The following MTMR3 variants were observed in gnomAD, a reference collection of about 807,000 sequenced individuals.
MTMR3 encodes phosphatidylinositol-3,5-bisphosphate 3-phosphatase MTMR3.
In MTMR3, 32 loss-of-function variants were observed where a neutral mutation model predicts 132.4. That is an observed-to-expected ratio of 0.24 (90% confidence interval 0.18 to 0.32). The LOEUF is 0.32. Ranked by LOEUF, MTMR3 falls within the 10% of genes least tolerant of loss-of-function variation. The pLI is 1.00. For missense variants in MTMR3, 1,216 were observed against 1,489.6 expected (o/e 0.82, Z 3.02); for synonymous variants, 556 against 550.3 (o/e 1.01, Z -0.14).
chr22:29,930,097 T>G (rs1283854057), intron 1 of MTMR3, among the ~76,000 whole-genome samples: 1 of 152,204 alleles, frequency 6.6e-6, no homozygotes, highest in African/African-American at 2.4e-5. Context: ...TTTTAAAGCC[T>G]TAGGAGTGTG....
At chr22:29,920,765 T>C (rs1334358145) in intron 1 of MTMR3, among the ~76,000 whole-genome samples, 4 of 152,194 alleles carry the variant, frequency 2.6e-5, no homozygotes, top group African/African-American at 7.2e-5. Context: ...AGATTGATAC[T>C]GACCAAATAT....
At chr22:29,997,465 G>A (rs1465353538) in intron 7 of MTMR3, 1 of 152,202 alleles carries the variant, frequency 6.6e-6, no homozygotes, top group East Asian at 1.9e-4. Flanking sequence ...TAGAGGTTCT[G>A]CTTAATATTT....
chr22:29,917,841 T>G (rs1432980692), intron 1 of MTMR3, among the ~76,000 whole-genome samples: 1 of 152,270 alleles, frequency 6.6e-6, no homozygotes, highest in African/African-American at 2.4e-5. Context: ...TATACATAAA[T>G]TGACATACTG....
At chr22:29,898,165 A>G (rs1251688228) in intron 1 of MTMR3, among the ~76,000 whole-genome samples, 1 of 152,148 alleles carries the variant, frequency 6.6e-6, no homozygotes, top group Non-Finnish European at 1.5e-5. Flanking sequence ...TAATAGCTGT[A>G]TAGTATTCAG....
intron 3 of MTMR3, among the ~76,000 whole-genome samples, chr22:29,976,553 A>C (rs1210089979): frequency 6.6e-6 from 1 of 152,252 alleles, no homozygotes; most frequent in East Asian, 1.9e-4. Flanking sequence ...TTTAATAAAT[A>C]GAATTTATAA....
intron 7 of MTMR3, chr22:29,995,106 CCT>C (rs1488739306): frequency 3.3e-5 from 5 of 152,276 alleles, no homozygotes; most frequent in Admixed American, 3.3e-4. Context: ...ACCTCTCTAA[CCT>C]CTCTCATGTG....
chr22:29,904,701 TAA>T (rs1023172679), intron 1 of MTMR3, among the ~76,000 whole-genome samples: 26 of 152,308 alleles, frequency 1.7e-4, no homozygotes, highest in Non-Finnish European at 2.9e-4. Context: ...GGATCTGTGT[TAA>T]GAGTTGAAAG....
rs2067695329 is a variant in MTMR3 at position 30,019,618 on chromosome 22, G to C, written c.1959G>C (p.Leu653=). 1 of 1,614,038 alleles carries C rather than the reference G, an allele frequency of 6.2e-7. No individual in the cohort carries two copies. The highest frequency in any genetic ancestry group is 2.2e-5 in the East Asian group (1 of 44,890). ...EHRRSLELSS[L]AGPGEDPLSA... is the part of the protein sequence containing the mutation. ...GGCGCTCACTAGAGCTGAGCAGCCT[G>C]GCTGGCCCTGGAGAGGATCCCCTTT... The change falls in exon 17 of 20, where the codon CTG becomes CTC. Residue 653 remains leucine, a synonymous_variant. Coordinates refer to ENST00000401950, the MANE Select transcript of MTMR3 (RefSeq NM_021090.4).
intron 1 of MTMR3, among the ~76,000 whole-genome samples, chr22:29,929,369 A>G (rs1185774918): frequency 6.6e-6 from 1 of 152,168 alleles, no homozygotes; most frequent in Non-Finnish European, 1.5e-5. Context: ...AATCTTTTTG[A>G]TGGAAAACAG....
At chr22:29,949,785 G>T (rs1485194858) in intron 1 of MTMR3, among the ~76,000 whole-genome samples, 13 of 152,134 alleles carry the variant, frequency 8.5e-5, no homozygotes, top group Admixed American at 8.5e-4. Flanking sequence ...AGAGTCGTCA[G>T]TCTAGTGTTA....
chr22:29,923,262 C>T (rs554837894), intron 1 of MTMR3, among the ~76,000 whole-genome samples: 16 of 149,418 alleles, frequency 1.1e-4, no homozygotes, highest in South Asian at 4.2e-4. Flanking sequence ...TTAGTGGAGA[C>T]GGGGTTTCAC....
chr22:29,973,713 C>T (rs1372257682), intron 3 of MTMR3, among the ~76,000 whole-genome samples: 1 of 152,174 alleles, frequency 6.6e-6, no homozygotes, highest in Non-Finnish European at 1.5e-5. Context: ...GATTCTCCTG[C>T]CTCAGCCTCC....
chr22:29,992,089 G>GT (rs762789068), intron 7 of MTMR3: 34 of 153,770 alleles, frequency 2.2e-4, no homozygotes, highest in African/African-American at 4.1e-4. Context: ...TTTGTTTTTT[G>GT]TTTTTTTTGA....
intron 1 of MTMR3, among the ~76,000 whole-genome samples, chr22:29,917,285 T>TA (rs2065326731): frequency 6.6e-6 from 1 of 152,218 alleles, no homozygotes; most frequent in Non-Finnish European, 1.5e-5. Flanking sequence ...TTAGTAATAT[T>TA]AACCCCTTCA....
chr22:29,905,917 T>G (rs374694005), intron 1 of MTMR3, among the ~76,000 whole-genome samples: 123 of 152,334 alleles, frequency 8.1e-4, no homozygotes, highest in African/African-American at 2.7e-3. Context: ...CTGTTACATA[T>G]TAACTTTTTT....
chr22:29,959,757 TA>T (rs1311861689), intron 2 of MTMR3, among the ~76,000 whole-genome samples: 5 of 142,596 alleles, frequency 3.5e-5, no homozygotes, highest in Non-Finnish European at 7.7e-5. Flanking sequence ...GTAAAAGTGT[TA>T]ATTTTTTTTT....
intron 1 of MTMR3, among the ~76,000 whole-genome samples, chr22:29,902,254 T>C (rs1487020259): frequency 6.6e-6 from 1 of 152,174 alleles, no homozygotes; most frequent in Non-Finnish European, 1.5e-5. Flanking sequence ...ATTAAAGAAG[T>C]ACACACACAT....
At position 29,931,273 on chromosome 22, in the gene MTMR3, G is replaced by A. The variant is rs374055098; in HGVS notation, c.-137-25763G>A. 2.2e-3 allele frequency among the ~76,000 whole-genome samples: 331 copies of A among 152,114 alleles called. 12 individuals are homozygous for A. In the South Asian group the frequency reaches 0.065, roughly 30 times the overall value. ...TTAATCTACCCCTTTTTCCATACTT[G>A]CCTCTTAAATGTTAGTTTCATGGTA... is the stretch of plus-strand genomic sequence containing the variant. On this transcript the variant is annotated intron_variant, in intron 1 of 19. Coordinates refer to ENST00000401950, the MANE Select transcript of MTMR3 (RefSeq NM_021090.4).
chr22:29,994,031 T>C, intron 7 of MTMR3: 1 of 779,616 alleles, frequency 1.3e-6, no homozygotes, highest in Non-Finnish European at 1.6e-6. Flanking sequence ...AGTGGGACAT[T>C]CATGCTCTTC....
Sources: allele counts gnomAD v4.1 joint callset (sites outside exome capture counted in the v4.1 genomes callset), GRCh38; gene constraint gnomAD v4.1.1; transcripts MANE v1.5; gene names NCBI Gene and HGNC (gene_info 2026-07-23, HGNC 2026-07-21).